SLC9A9: variants seen among roughly 807,000 people sequenced by gnomAD.
SLC9A9 encodes solute carrier family 9 member A9.
SLC9A9 carries 62 observed loss-of-function variants against 77.8 expected under a neutral mutation model. That is an observed-to-expected ratio of 0.80 (90% CI 0.65 to 0.98). The LOEUF (loss-of-function observed/expected upper bound fraction) is 0.98. SLC9A9 is among the 50% of genes least tolerant of loss of function. SLC9A9 has a pLI of 0.00. For missense variants in SLC9A9, 775 were observed against 774.9 expected (o/e 1.00, Z 0.00); for synonymous variants, 320 against 283.5 (o/e 1.13, Z -1.29).
At chr3:143,621,227 C>T (rs1448313979) in intron 6 of SLC9A9, among the ~76,000 whole-genome samples, 1 of 152,226 alleles carries the variant, frequency 6.6e-6, no homozygotes, top group East Asian at 1.9e-4. Context: ...GAATCCTCTG[C>T]AGACTTAAAT....
chr3:143,514,710 A>G (rs2036174655), intron 9 of SLC9A9, among the ~76,000 whole-genome samples: 1 of 152,200 alleles, frequency 6.6e-6, no homozygotes, highest in African/African-American at 2.4e-5. Context: ...CTCTGCAGCT[A>G]TCTTGCCTCT....
chr3:143,414,504 T>C (rs185986745), intron 12 of SLC9A9, among the ~76,000 whole-genome samples: 19 of 152,320 alleles, frequency 1.2e-4, no homozygotes, highest in Middle Eastern at 3.4e-3. Context: ...TACACTTTGG[T>C]GTTTTAGAGA....
intron 11 of SLC9A9, among the ~76,000 whole-genome samples, chr3:143,485,405 T>C (rs930522597): frequency 1.3e-5 from 2 of 152,106 alleles, no homozygotes; most frequent in Non-Finnish European, 2.9e-5. Context: ...TTTTCTCCTT[T>C]TGGGGGCCTG....
chr3:143,474,959 G>GTTTT (rs58029971), intron 11 of SLC9A9, among the ~76,000 whole-genome samples: 1 of 127,222 alleles, frequency 7.9e-6, no homozygotes, highest in Non-Finnish European at 1.7e-5. Flanking sequence ...CTTCACCCAG[G>GTTTT]TTTTTTTTTT....
intron 6 of SLC9A9, among the ~76,000 whole-genome samples, chr3:143,637,310 T>C (rs1170607577): frequency 6.6e-6 from 1 of 152,080 alleles, no homozygotes; most frequent in Non-Finnish European, 1.5e-5. Flanking sequence ...ACTCTGGAAA[T>C]GAAAAATTTA....
intron 2 of SLC9A9, among the ~76,000 whole-genome samples, chr3:143,827,982 T>G (rs975113846): frequency 1.3e-5 from 2 of 152,144 alleles, no homozygotes; most frequent in Non-Finnish European, 2.9e-5. Flanking sequence ...ACGCTCTAGG[T>G]CTTAGCCCCA....
At chr3:143,360,283 A>T (rs2032708964) in intron 14 of SLC9A9, among the ~76,000 whole-genome samples, 1 of 152,216 alleles carries the variant, frequency 6.6e-6, no homozygotes, top group South Asian at 2.1e-4. Flanking sequence ...ATGAAATAAC[A>T]TTCCTCCCTG....
chr3:143,423,675 G>C (rs558802917), intron 12 of SLC9A9, among the ~76,000 whole-genome samples: 2 of 152,316 alleles, frequency 1.3e-5, no homozygotes, highest in Admixed American at 6.5e-5. Flanking sequence ...CTTGAAAGTT[G>C]ATGAGGACTG....
intron 9 of SLC9A9, chr3:143,517,980 C>T (rs991144148): frequency 2.8e-6 from 4 of 1,444,772 alleles, no homozygotes; most frequent in African/African-American, 2.8e-5. Context: ...CCTTCTTTAT[C>T]AATTTCTAGA....
chr3:143,275,051 C>CT (rs1331344874), intron 14 of SLC9A9, among the ~76,000 whole-genome samples: 2 of 152,062 alleles, frequency 1.3e-5, no homozygotes, highest in Non-Finnish European at 2.9e-5. Context: ...TTGTCTGAAG[C>CT]TTGTTCTTCA....
At chr3:143,533,526 G>C (rs551131333) in intron 9 of SLC9A9, among the ~76,000 whole-genome samples, 1 of 152,202 alleles carries the variant, frequency 6.6e-6, no homozygotes, top group South Asian at 2.1e-4. Context: ...AATAAGTGAG[G>C]CCACACAGAT....
At chr3:143,782,346 T>C (rs1274015264) in intron 4 of SLC9A9, among the ~76,000 whole-genome samples, 1 of 152,210 alleles carries the variant, frequency 6.6e-6, no homozygotes, top group South Asian at 2.1e-4. Context: ...CTCTTGTTAA[T>C]ATGCAGATAA....
intron 1 of SLC9A9, among the ~76,000 whole-genome samples, chr3:143,846,729 AGG>A (rs2009837777): frequency 1.1e-4 from 2 of 18,150 alleles, no homozygotes; most frequent in South Asian, 4.5e-3. Context: ...CAGCAAAAAA[AGG>A]TTTTTTTTTT....
chr3:143,466,319 T>C (rs529190161), intron 12 of SLC9A9, among the ~76,000 whole-genome samples: 62 of 152,334 alleles, frequency 4.1e-4, no homozygotes, highest in Non-Finnish European at 7.6e-4. Flanking sequence ...GATATGAAAA[T>C]GAGGACCCAG....
intron 14 of SLC9A9, among the ~76,000 whole-genome samples, chr3:143,275,697 C>T (rs1938025929): frequency 6.6e-6 from 1 of 151,914 alleles, no homozygotes; most frequent in Non-Finnish European, 1.5e-5. Flanking sequence ...TGTCTTGTAT[C>T]ATTTTCTTAG....
intron 11 of SLC9A9, among the ~76,000 whole-genome samples, chr3:143,485,806 T>C (rs2035645240): frequency 6.6e-6 from 1 of 152,012 alleles, no homozygotes; most frequent in African/African-American, 2.4e-5. Flanking sequence ...ACAAAGACTT[T>C]TAAGCGGACT....
intron 12 of SLC9A9, among the ~76,000 whole-genome samples, chr3:143,464,311 T>C (rs115534486): frequency 2.2e-4 from 33 of 152,302 alleles, no homozygotes; most frequent in Admixed American, 9.8e-4. Context: ...TGGGTGACTA[T>C]GAGTTTAAAG....
chr3:143,848,266 C>G lies in SLC9A9; in HGVS notation c.57G>C (p.Gln19His), dbSNP rs2009872720. The G allele has an allele frequency of 6.2e-7, 1 of 1,613,912 alleles. No homozygotes were observed. The highest frequency in any genetic ancestry group is 8.5e-7 in the Non-Finnish European group (1 of 1,179,952). The change falls in exon 1 of 16, where the codon CAG becomes CAC. Residue 19 changes from glutamine to histidine, a missense_variant. Coordinates refer to ENST00000316549, the MANE Select transcript of SLC9A9 (RefSeq NM_173653.4). ...SEKDEYQFQH[Q>H]GAVELLVFNF... ...TGAAGACAAGCAGCTCCACCGCTCCCTGATGTTGAAACTGATACTCATCCT... is the reference window on the plus strand; with the variant it reads ...TGAAGACAAGCAGCTCCACCGCTCCGTGATGTTGAAACTGATACTCATCCT...
intron 12 of SLC9A9, among the ~76,000 whole-genome samples, chr3:143,385,025 A>T (rs558093615): frequency 6.3e-4 from 96 of 152,308 alleles, no homozygotes; most frequent in Non-Finnish European, 1.1e-3. Flanking sequence ...TTCTAATCTT[A>T]ACTGGAGGAC....
Sources: allele counts gnomAD v4.1 joint callset (sites outside exome capture counted in the v4.1 genomes callset), GRCh38; gene constraint gnomAD v4.1.1; transcripts MANE v1.5; gene names NCBI Gene and HGNC (gene_info 2026-07-23, HGNC 2026-07-21).